MBNL2: variants seen among roughly 807,000 people sequenced by gnomAD.
MBNL2 encodes the protein muscleblind like splicing regulator 2.
A neutral mutation model predicts 41.9 loss-of-function variants in MBNL2; 17 were observed. The ratio of observed to expected loss-of-function variants is 0.41; its 90% CI spans 0.28 to 0.61. The LOEUF is 0.61. Ranked by LOEUF, MBNL2 falls within the 20% of genes least tolerant of loss-of-function variation. The pLI, the probability that MBNL2 is intolerant of heterozygous loss-of-function variation, is 0.35. For missense variants in MBNL2, 336 were observed against 505.6 expected (o/e 0.66, Z 3.22); for synonymous variants, 195 against 182.9 (o/e 1.07, Z -0.53).
At chr13:97,270,770 C>T (rs1038198576) in intron 1 of MBNL2, among the ~76,000 whole-genome samples, 4 of 152,108 alleles carry the variant, frequency 2.6e-5, no homozygotes, top group Admixed American at 1.3e-4. Flanking sequence ...CTCTCAGTCC[C>T]GTCTCTTGAT....
At chr13:97,287,693 C>A (rs1211158039) in intron 2 of MBNL2, among the ~76,000 whole-genome samples, 1 of 118,760 alleles carries the variant, frequency 8.4e-6, no homozygotes, top group African/African-American at 3.5e-5. Flanking sequence ...ATGTTTATTT[C>A]TTTCTATTTT....
intron 2 of MBNL2, among the ~76,000 whole-genome samples, chr13:97,281,282 G>A (rs2053365989): frequency 6.6e-6 from 1 of 152,338 alleles, no homozygotes; most frequent in South Asian, 2.1e-4. Flanking sequence ...CTGGAGTTGT[G>A]CAGTGGACAA....
At chr13:97,368,412 T>TAAAATAAAATAAAATAAAATAAAATAAAA (rs1555320643) in intron 8 of MBNL2, among the ~76,000 whole-genome samples, 4 of 146,058 alleles carry the variant, frequency 2.7e-5, no homozygotes, top group African/African-American at 1.0e-4. Flanking sequence ...ACACCCTGTC[T>TAAAATAAAATAAAATAAAATAAAATAAAA]TAAAATAAAA....
At chr13:97,210,163 A>G in the MBNL2 span, among the ~76,000 whole-genome samples, 1 of 152,236 alleles carries the variant, frequency 6.6e-6, no homozygotes, top group African/African-American at 2.4e-5. Flanking sequence ...TCTTAAGAAC[A>G]GAGATTTTTT....
the MBNL2 span, among the ~76,000 whole-genome samples, chr13:97,157,822 T>G: frequency 1.3e-5 from 2 of 151,932 alleles, no homozygotes; most frequent in Non-Finnish European, 2.9e-5. Context: ...GATTTTTGCA[T>G]CAATGTTCAT....
intron 2 of MBNL2, among the ~76,000 whole-genome samples, chr13:97,285,986 C>T (rs1447692548): frequency 2.6e-5 from 4 of 152,228 alleles, no homozygotes; most frequent in East Asian, 3.9e-4. Context: ...TCACCAAACA[C>T]GTTCTTGCCT....
intron 2 of MBNL2, among the ~76,000 whole-genome samples, chr13:97,330,821 A>G (rs1022202724): frequency 5.9e-5 from 9 of 152,200 alleles, no homozygotes; most frequent in Non-Finnish European, 1.3e-4. Context: ...TTAGGATTTT[A>G]CAATCCTATA....
chr13:97,309,173 C>T (rs9516902), intron 2 of MBNL2, among the ~76,000 whole-genome samples: 56,390 of 151,996 alleles, frequency 0.37, 12,732 homozygotes, highest in East Asian at 0.55. Flanking sequence ...GGAGCTTGCA[C>T]GCCCAAGTGA....
the MBNL2 span, among the ~76,000 whole-genome samples, chr13:97,157,930 C>G: frequency 2.0e-3 from 299 of 149,958 alleles, no homozygotes; most frequent in African/African-American, 6.8e-3. Flanking sequence ...AGGGAGGATT[C>G]CCTCTTTTTC....
At chr13:97,217,729 A>G (rs2152752427), upstream of MBNL2, among the ~76,000 whole-genome samples, 1 of 152,266 alleles carries the variant, frequency 6.6e-6, no homozygotes, top group Middle Eastern at 3.4e-3. Context: ...GAAGATAATG[A>G]GGAGACATGG....
the MBNL2 span, among the ~76,000 whole-genome samples, chr13:97,205,208 T>A: frequency 7.0e-6 from 1 of 142,760 alleles, no homozygotes; most frequent in Non-Finnish European, 1.5e-5. Flanking sequence ...ATATAAATTA[T>A]TTATATATTT....
At chr13:97,309,397 C>T (rs2058387590) in intron 2 of MBNL2, among the ~76,000 whole-genome samples, 2 of 152,134 alleles carry the variant, frequency 1.3e-5, no homozygotes, top group South Asian at 4.1e-4. Context: ...ATCAGGGTGT[C>T]TTAATCCAAT....
chr13:97,167,021 T>C, the MBNL2 span, among the ~76,000 whole-genome samples: 1 of 152,220 alleles, frequency 6.6e-6, no homozygotes, highest in East Asian at 1.9e-4. Flanking sequence ...CATTGGGCTC[T>C]GCTTCTGGTA....
chr13:97,274,959 T>G (rs892443159), intron 1 of MBNL2, among the ~76,000 whole-genome samples: 6 of 152,198 alleles, frequency 3.9e-5, no homozygotes, highest in Admixed American at 3.3e-4. Context: ...AATTGGTCAA[T>G]AAATATTTCT....
intron 2 of MBNL2, among the ~76,000 whole-genome samples, chr13:97,279,660 CTG>C (rs1380322295): frequency 1.3e-5 from 2 of 152,180 alleles, no homozygotes; most frequent in Non-Finnish European, 2.9e-5. Flanking sequence ...TGTGCAAACA[CTG>C]TGGACAATTT....
At chr13:97,290,290 CG>C (rs1396371603) in intron 2 of MBNL2, among the ~76,000 whole-genome samples, 2 of 151,816 alleles carry the variant, frequency 1.3e-5, no homozygotes, top group African/African-American at 4.8e-5. Flanking sequence ...GTGGGCACAC[CG>C]CTGGAAATAC....
At chr13:97,355,544 T>C (rs2062911146) in intron 5 of MBNL2, among the ~76,000 whole-genome samples, 1 of 152,194 alleles carries the variant, frequency 6.6e-6, no homozygotes, top group Admixed American at 6.5e-5. Flanking sequence ...TTTCATTTTT[T>C]ATTTGCATTG....
At chr13:97,195,074 G>A in the MBNL2 span, among the ~76,000 whole-genome samples, 1 of 151,942 alleles carries the variant, frequency 6.6e-6, no homozygotes, top group South Asian at 2.1e-4. Context: ...AACTCGCCTC[G>A]AATTCTTTCT....
At chr13:97,209,600 G>A in the MBNL2 span, among the ~76,000 whole-genome samples, 3 of 152,144 alleles carry the variant, frequency 2.0e-5, no homozygotes, top group African/African-American at 7.2e-5. Context: ...CTTTGAGAAC[G>A]ATGATAAAAC....
Sources: gnomAD v4.1 joint callset for allele counts (sites outside exome capture counted in the v4.1 genomes callset) on GRCh38, gnomAD v4.1.1 for gene constraint, MANE v1.5 for transcripts, NCBI Gene and HGNC (gene_info 2026-07-23, HGNC 2026-07-21) for gene names.